The following TSGA10IP variants were observed in gnomAD, a reference collection of about 807,000 sequenced individuals.
TSGA10IP encodes testis specific 10 interacting protein.
TSGA10IP carries 64 observed loss-of-function variants against 63.2 expected under a neutral mutation model. The observed-to-expected ratio is 1.01, with a 90% CI of 0.83 to 1.25. TSGA10IP has a LOEUF of 1.25. Ranked by LOEUF, TSGA10IP falls within the 50% of genes most tolerant of loss-of-function variation. TSGA10IP has a pLI of 0.00. For missense variants in TSGA10IP, 681 were observed against 710.1 expected (o/e 0.96, Z 0.47); for synonymous variants, 316 against 298.3 (o/e 1.06, Z -0.61).
At chr11:65,945,756 G>T (rs941914521) in exon 1 of TSGA10IP, 2 of 1,613,392 alleles carry the variant, frequency 1.2e-6, no homozygotes, top group Non-Finnish European at 1.7e-6. Flanking sequence ...AGGACGTGCG[G>T]CTCCAGGCTC....
chr11:65,948,769 T>C (rs1854891376), intron 4 of TSGA10IP, among the ~76,000 whole-genome samples: 1 of 151,932 alleles, frequency 6.6e-6, no homozygotes, highest in Non-Finnish European at 1.5e-5. Context: ...AGCTCAAGAG[T>C]TCGAGACCAG....
At chr11:65,948,295 TCCA>T in intron 4 of TSGA10IP, 147 bp downstream of exon 4, 4 of 824,400 alleles carry the variant, frequency 4.9e-6, no homozygotes, top group Non-Finnish European at 7.3e-6. Context: ...CATCCATCCA[TCCA>T]TCCATCCATC....
intron 4 of TSGA10IP, among the ~76,000 whole-genome samples, chr11:65,949,420 A>ATTT (rs71036256): frequency 6.9e-6 from 1 of 144,860 alleles, no homozygotes; most frequent in Non-Finnish European, 1.5e-5. Context: ...GCACCCCACA[A>ATTT]TTTTTTTTTT....
At chr11:65,959,296 G>A in exon 7 of TSGA10IP, 2 of 1,611,430 alleles carry the variant, frequency 1.2e-6, no homozygotes, top group Non-Finnish European at 1.7e-6. Flanking sequence ...GACAGAGAGG[G>A]CACCCCCAGG....
chr11:65,950,150 C>A (rs935659920), intron 4 of TSGA10IP, among the ~76,000 whole-genome samples: 1 of 151,718 alleles, frequency 6.6e-6, no homozygotes, highest in Admixed American at 6.6e-5. Context: ...CACTCCCGGT[C>A]TTACTTGATT....
At chr11:65,957,410 C>T (rs892939938) in intron 5 of TSGA10IP, among the ~76,000 whole-genome samples, 2 of 152,204 alleles carry the variant, frequency 1.3e-5, no homozygotes, top group Non-Finnish European at 2.9e-5. Flanking sequence ...CGGCCAGCTC[C>T]TGTCACTTCT....
At chr11:65,958,453 C>T (rs1310034282) in intron 5 of TSGA10IP, among the ~76,000 whole-genome samples, 2 of 152,100 alleles carry the variant, frequency 1.3e-5, no homozygotes, top group Non-Finnish European at 2.9e-5. Context: ...GAGCCAAGAG[C>T]CCAGAGAGAG....
rs772129494 is a variant in TSGA10IP, at chr11:65,958,876, CCTGCAGGCGCCAGGAGCGA to C, written c.1323-5_1336del. 31 of 1,610,254 alleles carry C rather than the reference CCTGCAGGCGCCAGGAGCGA, an allele frequency of 1.9e-5. No individual in the cohort carries two copies. The highest frequency in any genetic ancestry group is 2.5e-5 in the Non-Finnish European group (30 of 1,178,372). On this transcript the variant is annotated splice_acceptor_variant and splice_polypyrimidine_tract_variant and coding_sequence_variant and intron_variant, in exon 6 of 8. Coordinates refer to ENST00000532620, the Ensembl canonical transcript of TSGA10IP. LOFTEE classifies it high-confidence loss of function. ...GTTAGCTGCACAAAGGCCTGTCTCCCCTGCAGGCGCCAGGAGCGACAGCGCTTTGCTGAGTACCAGGCGG... is the reference window on the plus strand; with the variant it reads ...GTTAGCTGCACAAAGGCCTGTCTCCCCAGCGCTTTGCTGAGTACCAGGCGG...
At chr11:65,945,637 G>C (rs147401550) in exon 1 of TSGA10IP, 3 of 1,602,790 alleles carry the variant, frequency 1.9e-6, no homozygotes, top group East Asian at 2.2e-5. Context: ...GAGATGGCCT[G>C]TTAGGCAGTT....
exon 1 of TSGA10IP, chr11:65,945,673 A>G (rs749953567): frequency 3.0e-5 from 49 of 1,612,822 alleles, no homozygotes; most frequent in East Asian, 2.9e-4. Flanking sequence ...GGGATGGGGC[A>G]GGATGGGGCA....
At position 65,957,232 on chromosome 11, in the gene TSGA10IP, C is replaced by A. The variant is rs143723430; in HGVS notation, c.1323-1651C>A. 4.5e-3 allele frequency among the ~76,000 whole-genome samples: 685 copies of A among 152,176 alleles called. 1 individual carries two copies. The highest frequency in any genetic ancestry group is 0.015 in the African/African-American group (640 of 41,516). ...GTGGTGCAATCTCGCCTCACCATAACCTCCAACTCCCCAGTTCAGACGATT... is the reference window on the plus strand; with the variant it reads ...GTGGTGCAATCTCGCCTCACCATAAACTCCAACTCCCCAGTTCAGACGATT... On this transcript the variant is annotated intron_variant, in intron 5 of 7. Coordinates refer to ENST00000532620, the Ensembl canonical transcript of TSGA10IP.
At chr11:65,948,315 T>TCCATCCATCCAC (rs572156611) in intron 4 of TSGA10IP, among the ~76,000 whole-genome samples, 167 bp downstream of exon 4, 6 of 150,628 alleles carry the variant, frequency 4.0e-5, no homozygotes, top group African/African-American at 1.5e-4. Context: ...CATCCATCCA[T>TCCATCCATCCAC]CCACCCATCC....
intron 5 of TSGA10IP, among the ~76,000 whole-genome samples, chr11:65,956,011 G>A (rs369418509): frequency 1.1e-4 from 16 of 152,196 alleles, no homozygotes; most frequent in African/African-American, 3.6e-4. Context: ...TGCAGCGGGC[G>A]CAGGGCATCT....
chr11:65,948,194 G>C, intron 4 of TSGA10IP, 46 bp downstream of exon 4: 3 of 1,556,930 alleles, frequency 1.9e-6, no homozygotes, highest in Non-Finnish European at 2.6e-6. Flanking sequence ...GAGAAGTAGA[G>C]ATGGAGCCAC....
At chr11:65,959,254 A>G in exon 7 of TSGA10IP, 3 of 1,610,432 alleles carry the variant, frequency 1.9e-6, no homozygotes, top group Middle Eastern at 2.0e-4. Flanking sequence ...GGGCTGGATG[A>G]GGAGCAGCTG....
intron 5 of TSGA10IP, among the ~76,000 whole-genome samples, chr11:65,956,084 G>C (rs1159611464): frequency 6.6e-6 from 1 of 152,034 alleles, no homozygotes; most frequent in Non-Finnish European, 1.5e-5. Context: ...CCTGCCTTAA[G>C]GCCACTGACG....
exon 3 of TSGA10IP, chr11:65,947,821 G>C (rs1408839602): frequency 6.4e-7 from 1 of 1,556,526 alleles, no homozygotes; most frequent in African/African-American, 1.4e-5. Context: ...AGAGAGACCT[G>C]GACTGTGGTG....
intron 4 of TSGA10IP, among the ~76,000 whole-genome samples, chr11:65,949,718 A>G (rs1437192260): frequency 6.6e-6 from 1 of 150,978 alleles, no homozygotes; most frequent in Non-Finnish European, 1.5e-5. Context: ...CCCAGCCACA[A>G]TTCTTTTTTT....
intron 5 of TSGA10IP, among the ~76,000 whole-genome samples, chr11:65,957,400 C>T (rs1017186543): frequency 6.6e-6 from 1 of 152,168 alleles, no homozygotes; most frequent in African/African-American, 2.4e-5. Flanking sequence ...CTGCCCGCCT[C>T]GGCCAGCTCC....
Sources: gnomAD v4.1 joint callset for allele counts (sites outside exome capture counted in the v4.1 genomes callset) on GRCh38, gnomAD v4.1.1 for gene constraint, MANE v1.5 for transcripts, NCBI Gene and HGNC (gene_info 2026-07-23, HGNC 2026-07-21) for gene names.